Variants in VRK1 observed in about 807,000 individuals in gnomAD.
The protein encoded by VRK1 is serine/threonine-protein kinase VRK1.
In VRK1, 33 loss-of-function variants were observed where a neutral mutation model predicts 57.1. That is an observed-to-expected ratio of 0.58 (90% CI 0.44 to 0.77). The LOEUF is 0.77. VRK1 is among the 30% of genes least tolerant of loss of function. VRK1 has a pLI of 0.00. For missense variants in VRK1, 413 were observed against 477.3 expected (o/e 0.87, Z 1.25); for synonymous variants, 137 against 147.8 (o/e 0.93, Z 0.53).
chr14:96,839,988 A>G (rs1335324416), intron 3 of VRK1, among the ~76,000 whole-genome samples: 1 of 152,216 alleles, frequency 6.6e-6, no homozygotes, highest in African/African-American at 2.4e-5. Context: ...ACATAATGCT[A>G]GAATTGATTT....
At chr14:96,802,431 A>G (rs1448023871) in intron 1 of VRK1, among the ~76,000 whole-genome samples, 1 of 152,250 alleles carries the variant, frequency 6.6e-6, no homozygotes, top group Admixed American at 6.5e-5. Context: ...AAAAAAAGAA[A>G]CAAACTGTTG....
chr14:96,853,362 A>G (rs923416421), intron 7 of VRK1, among the ~76,000 whole-genome samples, 196 bp downstream of exon 7: 8 of 152,122 alleles, frequency 5.3e-5, no homozygotes, highest in Non-Finnish European at 8.8e-5. Flanking sequence ...CAAGTTGGCT[A>G]TTTTGCCCTA....
intron 2 of VRK1, among the ~76,000 whole-genome samples, chr14:96,836,431 GTC>G (rs2139755361): frequency 6.6e-6 from 1 of 150,924 alleles, no homozygotes; most frequent in African/African-American, 2.4e-5. Flanking sequence ...TTTCTGATCT[GTC>G]TCTCCTCTTC....
In VRK1 at chr14:96,856,371, T is replaced by TTA. The variant is rs775872443; in HGVS notation, c.830+122_830+123dup. ...TGATATAGAAATAAGAAAGTACTTG[T>TTA]TAAACAGTAAGGTTCCTTGGTCTTT... On this transcript the variant is annotated intron_variant, in intron 9 of 12. Transcript: ENST00000216639. 654 of 1,406,834 alleles carry TTA rather than the reference T, an allele frequency of 4.6e-4. 2 individuals carry two copies. The highest frequency in any genetic ancestry group is 1.9e-3 in the Middle Eastern group (9 of 4,620). 87.1% of individuals were successfully genotyped at this position (1,406,834 alleles called of 1,614,324 possible).
chr14:96,872,980 T>C (rs1012708979), intron 11 of VRK1, among the ~76,000 whole-genome samples: 1 of 152,284 alleles, frequency 6.6e-6, no homozygotes, highest in Admixed American at 6.5e-5. Context: ...ATATGACATA[T>C]GTGCTATATG....
chr14:96,843,142 A>G (rs1234791667), intron 3 of VRK1, among the ~76,000 whole-genome samples: 2 of 152,254 alleles, frequency 1.3e-5, no homozygotes, highest in Non-Finnish European at 2.9e-5. Flanking sequence ...CTTGACCTAC[A>G]GAACAGACAC....
rs1007447332 is a variant in VRK1, at chr14:96,856,040, A to T, written c.710-90A>T. On this transcript the variant is annotated intron_variant, in intron 8 of 12. Coordinates refer to ENST00000216639, the MANE Select transcript of VRK1 (RefSeq NM_003384.3). ...TGATGAAAAACAGACTGTGGAGTTG[A>T]CTTGTTTTATGTTATTACTTTATAT... 8.9e-6 allele frequency: 13 copies of T among 1,453,676 alleles called. No individual in the cohort carries two copies. In the African/African-American group the frequency reaches 1.8e-4, roughly 21 times the overall value. The allele number at this position is 1,453,676 out of a possible 1,614,324, so 90.0% of individuals were successfully genotyped here. A position where few individuals can be genotyped will look rare whatever the true frequency, so the allele number is the denominator to read the frequency against.
chr14:96,798,824 GAATTA>G (rs1310326380), intron 1 of VRK1, among the ~76,000 whole-genome samples: 1 of 152,126 alleles, frequency 6.6e-6, no homozygotes, highest in African/African-American at 2.4e-5. Context: ...GTAGTGATTG[GAATTA>G]AATTTCTGGG....
At chr14:96,811,842 G>C (rs924447176) in intron 1 of VRK1, among the ~76,000 whole-genome samples, 1 of 151,364 alleles carries the variant, frequency 6.6e-6, no homozygotes, top group African/African-American at 2.4e-5. Flanking sequence ...TTCATTAAAA[G>C]GTATAATTCA....
intron 7 of VRK1, among the ~76,000 whole-genome samples, chr14:96,853,730 A>C (rs1447434701): frequency 6.6e-6 from 1 of 151,890 alleles, no homozygotes; most frequent in African/African-American, 2.4e-5. Context: ...TTATACCTTT[A>C]TTTAGGTCAG....
At chr14:96,864,937 G>C (rs1246830592) in intron 11 of VRK1, among the ~76,000 whole-genome samples, 1 of 151,042 alleles carries the variant, frequency 6.6e-6, no homozygotes, top group Admixed American at 6.6e-5. Flanking sequence ...AAAAAAATTG[G>C]GGTCGTTAGC....
chr14:96,821,899 C>A lies in VRK1; in HGVS notation c.-5-11568C>A, dbSNP rs76707266. On this transcript the variant is annotated intron_variant, in intron 1 of 12. Coordinates refer to ENST00000216639, the MANE Select transcript of VRK1 (RefSeq NM_003384.3). ...GCTGGACATGTTCTTGCCTTAACGC[C>A]TTTGTAGTCGCTCCTCCCTCAATGT... 7.5e-3 allele frequency among the ~76,000 whole-genome samples: 1,134 copies of A among 152,144 alleles called. 17 individuals carry two copies. The highest frequency in any genetic ancestry group is 0.026 in the African/African-American group (1,077 of 41,490).
At chr14:96,800,691 A>C (rs900317552) in intron 1 of VRK1, among the ~76,000 whole-genome samples, 2 of 151,978 alleles carry the variant, frequency 1.3e-5, no homozygotes, top group Admixed American at 6.6e-5. Context: ...CTATCTCTCT[A>C]TGGGTTTCTT....
chr14:96,828,268 C>A (rs1245677525), intron 1 of VRK1, among the ~76,000 whole-genome samples: 2 of 152,106 alleles, frequency 1.3e-5, no homozygotes, highest in African/African-American at 4.8e-5. Flanking sequence ...ATTGCTGGGT[C>A]GGTTAGCAGG....
chr14:96,867,943 T>C (rs1383362300), intron 11 of VRK1, among the ~76,000 whole-genome samples: 1 of 152,208 alleles, frequency 6.6e-6, no homozygotes, highest in Admixed American at 6.5e-5. Flanking sequence ...ATTGTTCTTT[T>C]TGAGTTTAAT....
At chr14:96,862,209 C>T (rs1262627428) in intron 11 of VRK1, among the ~76,000 whole-genome samples, 1 of 152,072 alleles carries the variant, frequency 6.6e-6, no homozygotes, top group African/African-American at 2.4e-5. Context: ...CAGTCTGCTG[C>T]AGAGCTAACA....
chr14:96,816,855 GAGTCAA>G, intron 1 of VRK1, among the ~76,000 whole-genome samples: 1 of 152,308 alleles, frequency 6.6e-6, no homozygotes, highest in Non-Finnish European at 1.5e-5. Context: ...TTTGGGTCCT[GAGTCAA>G]AGTCAACTGT....
intron 3 of VRK1, among the ~76,000 whole-genome samples, chr14:96,841,137 C>CA (rs1485126634): frequency 1.3e-5 from 2 of 152,112 alleles, no homozygotes; most frequent in Non-Finnish European, 2.9e-5. Context: ...GGGTTACAGG[C>CA]ATGAGCCATG....
intron 12 of VRK1, among the ~76,000 whole-genome samples, chr14:96,876,511 T>C (rs1358678510): frequency 6.6e-6 from 1 of 151,892 alleles, no homozygotes; most frequent in Non-Finnish European, 1.5e-5. Context: ...CTAAAATAAA[T>C]AAAATAAATG....
Sources: allele counts gnomAD v4.1 joint callset (sites outside exome capture counted in the v4.1 genomes callset), GRCh38; gene constraint gnomAD v4.1.1; transcripts MANE v1.5; gene names NCBI Gene and HGNC (gene_info 2026-07-23, HGNC 2026-07-21).